FARS2: variants seen among roughly 807,000 people sequenced by gnomAD.
FARS2 encodes the protein phenylalanine--tRNA ligase, mitochondrial.
Under a neutral mutation model 46.4 loss-of-function variants are expected in FARS2, and 40 were observed. That is an observed-to-expected ratio of 0.86 (90% CI 0.67 to 1.12). The LOEUF is 1.12. Among genes scored for constraint, FARS2 ranks in the 50% most tolerant of loss-of-function variants. The pLI is 0.00. For missense variants in FARS2, 513 were observed against 567.9 expected (o/e 0.90, Z 0.98); for synonymous variants, 234 against 214.9 (o/e 1.09, Z -0.78).
chr6:5,260,523 C>A (rs1179137026), upstream of FARS2: 2 of 1,327,344 alleles, frequency 1.5e-6, no homozygotes, highest in African/African-American at 2.9e-5. Context: ...GAGCCCGGTC[C>A]TTGCCTCGCA....
intron 2 of FARS2, among the ~76,000 whole-genome samples, chr6:5,392,172 A>T (rs1382658266): frequency 6.6e-6 from 1 of 152,086 alleles, no homozygotes; most frequent in Non-Finnish European, 1.5e-5. Context: ...GAGTGATCTT[A>T]CCCTCTCTGG....
At chr6:5,658,256 CAAAA>C (rs3057209) in intron 6 of FARS2, among the ~76,000 whole-genome samples, 8 of 135,464 alleles carry the variant, frequency 5.9e-5, no homozygotes, top group Non-Finnish European at 8.0e-5. Context: ...AACTCTGTCT[CAAAA>C]AAAAAAAAAA....
intron 1 of FARS2, among the ~76,000 whole-genome samples, chr6:5,356,349 C>T: frequency 6.6e-6 from 1 of 152,152 alleles, no homozygotes; most frequent in Non-Finnish European, 1.5e-5. Context: ...ACTCGGGAGA[C>T]TGAGGCACAA....
chr6:5,758,754 G>A (rs577257912), intron 6 of FARS2, among the ~76,000 whole-genome samples: 2 of 152,220 alleles, frequency 1.3e-5, no homozygotes, highest in African/African-American at 4.8e-5. Context: ...TGGAAGCTTC[G>A]CTCTCTCCTA....
At chr6:5,753,372 T>C (rs944967916) in intron 6 of FARS2, among the ~76,000 whole-genome samples, 3 of 152,250 alleles carry the variant, frequency 2.0e-5, no homozygotes, top group Non-Finnish European at 4.4e-5. Context: ...TATAGAGCTC[T>C]GCTCCGTGCC....
intron 6 of FARS2, among the ~76,000 whole-genome samples, chr6:5,676,748 C>A (rs1004749561): frequency 1.3e-5 from 2 of 152,192 alleles, no homozygotes; most frequent in African/African-American, 4.8e-5. Context: ...TGCTTTTATT[C>A]TATGTTAGAG....
intron 1 of FARS2, 107 bp from the exon 2 acceptor site, chr6:5,368,443 G>A: frequency 1.0e-6 from 1 of 964,570 alleles, no homozygotes; most frequent in Non-Finnish European, 1.6e-6. Context: ...TCGTAGTGGG[G>A]GAAACATGCC....
At chr6:5,758,764 A>G (rs1762339401) in intron 6 of FARS2, among the ~76,000 whole-genome samples, 1 of 152,128 alleles carries the variant, frequency 6.6e-6, no homozygotes, top group African/African-American at 2.4e-5. Context: ...GCTCTCTCCT[A>G]TTGTTAAAAA....
intron 6 of FARS2, among the ~76,000 whole-genome samples, chr6:5,688,595 T>C (rs1757436149): frequency 1.3e-5 from 2 of 152,312 alleles, no homozygotes; most frequent in South Asian, 4.1e-4. Flanking sequence ...CTGCTGGATT[T>C]GGTTTGCCAG....
chr6:5,360,484 C>A (rs1758229795), intron 1 of FARS2, among the ~76,000 whole-genome samples: 1 of 152,176 alleles, frequency 6.6e-6, no homozygotes, highest in African/African-American at 2.4e-5. Flanking sequence ...TTTTAAACAT[C>A]CAGCTTATTT....
intron 5 of FARS2, among the ~76,000 whole-genome samples, chr6:5,596,420 C>G (rs924454701): frequency 6.6e-6 from 1 of 152,182 alleles, no homozygotes; most frequent in Non-Finnish European, 1.5e-5. Context: ...ACCTTTTTGT[C>G]ATATGTAGGT....
chr6:5,536,269 G>A (rs937471920), intron 4 of FARS2, among the ~76,000 whole-genome samples: 14 of 152,014 alleles, frequency 9.2e-5, no homozygotes, highest in Non-Finnish European at 1.8e-4. Flanking sequence ...CTGACCTCAT[G>A]ATCTGCCCAC....
rs551426501 is a variant in FARS2 at position 5,721,014 on chromosome 6, C to T, written c.1218-50277C>T. On this transcript the variant is annotated intron_variant, in intron 6 of 6. Coordinates refer to ENST00000274680, the MANE Select transcript of FARS2 (RefSeq NM_006567.5). ...GCTGCAGTGAGCTGTGATCATACCA[C>T]TATACTCTAGCCTGGGTGACATAGT... Among the ~76,000 whole-genome samples, 1,326 of 152,274 alleles carry T rather than the reference C, an allele frequency of 8.7e-3. 10 individuals are homozygous for T. Among genetic ancestry groups the T allele is most frequent in the South Asian group, 0.041 (197 of 4,822 alleles).
chr6:5,322,438 T>C (rs146486014), intron 1 of FARS2, among the ~76,000 whole-genome samples: 38 of 152,378 alleles, frequency 2.5e-4, no homozygotes, highest in African/African-American at 6.3e-4. Flanking sequence ...GAGGAAGCAC[T>C]GAGCATGTTC....
At chr6:5,562,720 AC>A (rs1561715086) in intron 5 of FARS2, among the ~76,000 whole-genome samples, 14 of 151,844 alleles carry the variant, frequency 9.2e-5, no homozygotes, top group African/African-American at 2.7e-4. Flanking sequence ...ACACACACAC[AC>A]ACACACAGTG....
chr6:5,770,485 A>G (rs1225017484), intron 6 of FARS2, among the ~76,000 whole-genome samples: 1 of 152,174 alleles, frequency 6.6e-6, no homozygotes, highest in African/African-American at 2.4e-5. Context: ...ATAGAAGAAG[A>G]GAAATGTGAG....
intron 6 of FARS2, among the ~76,000 whole-genome samples, chr6:5,759,336 C>A (rs1762371359): frequency 6.6e-6 from 1 of 152,166 alleles, no homozygotes; most frequent in African/African-American, 2.4e-5. Flanking sequence ...CATGTACCTT[C>A]CCTCCATAAC....
chr6:5,390,827 C>T (rs546019600), intron 2 of FARS2, among the ~76,000 whole-genome samples: 158 of 152,280 alleles, frequency 1.0e-3, no homozygotes, highest in African/African-American at 3.7e-3. Flanking sequence ...TGGCCTCTAA[C>T]CACACAGTGC....
intron 5 of FARS2, among the ~76,000 whole-genome samples, chr6:5,588,965 A>G (rs1773769487): frequency 6.6e-6 from 1 of 152,236 alleles, no homozygotes; most frequent in Non-Finnish European, 1.5e-5. Context: ...AGAGGGAGCC[A>G]TTCCTAATAG....
Sources: gnomAD v4.1 joint callset for allele counts (sites outside exome capture counted in the v4.1 genomes callset) on GRCh38, gnomAD v4.1.1 for gene constraint, MANE v1.5 for transcripts, NCBI Gene and HGNC (gene_info 2026-07-23, HGNC 2026-07-21) for gene names.